The following IQCH variants were observed in gnomAD, a reference collection of about 807,000 sequenced individuals.
The protein encoded by IQCH is IQ motif containing H, also known as IQ domain-containing protein H.
A neutral mutation model predicts 117.0 loss-of-function variants in IQCH; 98 were observed. That is an observed-to-expected ratio of 0.84 (90% CI 0.71 to 0.99). The LOEUF is 0.99. IQCH is among the 50% of genes least tolerant of loss of function. The probability of loss-of-function intolerance (pLI) is 0.00; values close to 1 mark genes in which losing one functional copy is unlikely to be tolerated. For synonymous variants in IQCH, 412 were observed against 448.2 expected (o/e 0.92, Z 1.02); for missense variants, 1,102 against 1,243.8 (o/e 0.89, Z 1.72).
At chr15:67,299,649 A>T (rs928562890) in intron 4 of IQCH, among the ~76,000 whole-genome samples, 1 of 152,164 alleles carries the variant, frequency 6.6e-6, no homozygotes, top group Non-Finnish European at 1.5e-5. Context: ...CATTTGTCAT[A>T]TAGGTTCTTC....
chr15:67,287,920 A>G (rs1966622996), intron 4 of IQCH, among the ~76,000 whole-genome samples: 1 of 151,988 alleles, frequency 6.6e-6, no homozygotes, highest in African/African-American at 2.4e-5. Context: ...ACTATATCCC[A>G]CAGGTTTTGG....
At chr15:67,344,006 C>T (rs1486682913) in intron 5 of IQCH, 57 bp from the exon 6 acceptor site, 6 of 1,508,526 alleles carry the variant, frequency 4.0e-6, no homozygotes, top group South Asian at 1.2e-5. Context: ...TTATAGAGCT[C>T]AGACTTTGTG....
rs966501159 is a variant in IQCH, at chr15:67,436,292, A to G, written c.2505+14715A>G. Reference sequence around the variant, plus strand: ...GGAGACCCTCCTCTCTCAAACACACACCCCCGCACTGGAGAAGCTGAAGGT... The same window carrying G: ...GGAGACCCTCCTCTCTCAAACACACGCCCCCGCACTGGAGAAGCTGAAGGT... On this transcript the variant is annotated intron_variant, in intron 16 of 20. Transcript: ENST00000335894. This position sits in a 1 kb window ranked among gnomAD's most constrained non-coding sequence, Gnocchi z 5.1. Among the ~76,000 whole-genome samples the G allele has an allele frequency of 2.7e-4, 41 of 151,724 alleles. No individual in the cohort carries two copies. Among genetic ancestry groups the G allele is most frequent in the African/African-American group, 9.5e-4 (39 of 41,256 alleles).
At chr15:67,302,312 T>A (rs1381560930) in intron 4 of IQCH, among the ~76,000 whole-genome samples, 1 of 152,098 alleles carries the variant, frequency 6.6e-6, no homozygotes, top group Non-Finnish European at 1.5e-5. Flanking sequence ...TTCTGAAAGT[T>A]TAAGAAGGAA....
chr15:67,336,746 G>A (rs895627920), intron 4 of IQCH, among the ~76,000 whole-genome samples: 10 of 152,014 alleles, frequency 6.6e-5, no homozygotes, highest in African/African-American at 2.2e-4. Context: ...TTTATATAGT[G>A]GAAATCACAA....
intron 3 of IQCH, among the ~76,000 whole-genome samples, chr15:67,267,225 T>G (rs1965713666): frequency 6.6e-6 from 1 of 152,224 alleles, no homozygotes; most frequent in African/African-American, 2.4e-5. Context: ...TATACTTTCC[T>G]CACATGACCA....
At chr15:67,295,936 T>C (rs896379579) in intron 4 of IQCH, among the ~76,000 whole-genome samples, 1 of 152,184 alleles carries the variant, frequency 6.6e-6, no homozygotes, top group Non-Finnish European at 1.5e-5. Flanking sequence ...TTAGTCTAAT[T>C]GTTGTCTCCT....
At chr15:67,361,112 AG>A (rs1181317386) in intron 8 of IQCH, among the ~76,000 whole-genome samples, 3 of 152,218 alleles carry the variant, frequency 2.0e-5, no homozygotes, top group Non-Finnish European at 4.4e-5. Context: ...AGGCCCACTC[AG>A]TTGGTAAAAG....
chr15:67,274,805 G>T (rs1966053444), intron 3 of IQCH, among the ~76,000 whole-genome samples: 1 of 152,024 alleles, frequency 6.6e-6, no homozygotes, highest in Admixed American at 6.6e-5. Flanking sequence ...GGATATGCTT[G>T]CTTTTTTCTT....
At chr15:67,362,763 A>G (rs1567128090) in intron 8 of IQCH, among the ~76,000 whole-genome samples, 2 of 152,228 alleles carry the variant, frequency 1.3e-5, no homozygotes, top group South Asian at 2.1e-4. Context: ...CCCTATATCC[A>G]CAACACTTGG....
chr15:67,421,615 G>A (rs370781650), intron 16 of IQCH, 38 bp downstream of exon 16: 1 of 1,605,822 alleles, frequency 6.2e-7, no homozygotes, highest in Non-Finnish European at 8.5e-7. Flanking sequence ...GCTAAAATAT[G>A]TAATGACTCC....
intron 16 of IQCH, among the ~76,000 whole-genome samples, chr15:67,464,874 G>A (rs1216718045): frequency 1.3e-5 from 2 of 152,158 alleles, no homozygotes; most frequent in Admixed American, 6.5e-5. Flanking sequence ...TGCAAGACTC[G>A]GCATCTCTGT....
intron 3 of IQCH, among the ~76,000 whole-genome samples, chr15:67,274,675 C>T (rs552868251): frequency 3.0e-4 from 46 of 152,032 alleles, no homozygotes; most frequent in Non-Finnish European, 5.3e-4. Context: ...TTGCTTTGTT[C>T]ATTTTGGGGA....
rs568014265 is a variant in IQCH at position 67,473,848 on chromosome 15, G to T, written c.2677-1848G>T. On this transcript the variant is annotated intron_variant, in intron 17 of 20. Coordinates refer to ENST00000335894, the MANE Select transcript of IQCH (RefSeq NM_001031715.3). The surrounding 1 kb of genome is among the most constrained non-coding windows in gnomAD (Gnocchi z 4.9). ...GAAAAATCCCAATGGCTACAAATGGGACGCTACAAGTGGGGTAAACAACTC... is the reference window on the plus strand; with the variant it reads ...GAAAAATCCCAATGGCTACAAATGGTACGCTACAAGTGGGGTAAACAACTC... Among the ~76,000 whole-genome samples, 1 of 152,072 alleles carries T rather than the reference G, an allele frequency of 6.6e-6. No homozygotes were observed. Among genetic ancestry groups the T allele is most frequent in the South Asian group, 2.1e-4 (1 of 4,812 alleles).
Position 67,384,889 on chromosome 15 carries a change from A to G in IQCH, c.1373-47A>G, listed in dbSNP as rs539754341. The G allele has an allele frequency of 6.7e-5, 80 of 1,189,048 alleles. No individual in the cohort carries two copies. Among genetic ancestry groups the G allele is most frequent in the South Asian group, 5.8e-4 (47 of 81,650 alleles). 73.7% of individuals were successfully genotyped at this position (1,189,048 alleles called of 1,614,324 possible). ...TGAAATTCTCTTGTGCCATTTTGCT[A>G]TATCGACTTGCTCTTTCTGTGTTTT... is the stretch of plus-strand genomic sequence containing the variant. On this transcript the variant is annotated intron_variant, in intron 10 of 20. Coordinates refer to ENST00000335894, the MANE Select transcript of IQCH (RefSeq NM_001031715.3). The surrounding 1 kb of genome is among the most constrained non-coding windows in gnomAD (Gnocchi z 4.3).
intron 4 of IQCH, among the ~76,000 whole-genome samples, chr15:67,309,083 C>T (rs1967456850): frequency 6.6e-6 from 1 of 152,080 alleles, no homozygotes; most frequent in South Asian, 2.1e-4. Flanking sequence ...CTCCCAGAAA[C>T]AGTCTCCCTT....
chr15:67,430,193 T>G lies in IQCH; in HGVS notation c.2505+8616T>G, dbSNP rs1401513682. On this transcript the variant is annotated intron_variant, in intron 16 of 20. Coordinates refer to ENST00000335894, the MANE Select transcript of IQCH (RefSeq NM_001031715.3). This position sits in a 1 kb window ranked among gnomAD's most constrained non-coding sequence, Gnocchi z 5.1. ...CTGGCCTTCCCACATAAGGATAATA[T>G]TATGTAAGGGGATCCAAGCAGTAAA... The G allele has an allele frequency of 6.6e-6, 1 of 151,948 alleles. No homozygotes were observed. Among genetic ancestry groups the G allele is most frequent in the African/African-American group, 2.4e-5 (1 of 41,358 alleles). The allele number at this position is 151,948 out of a possible 1,614,324, so 9.4% of individuals were successfully genotyped here.
At chr15:67,329,354 T>C (rs1286660118) in intron 4 of IQCH, among the ~76,000 whole-genome samples, 1 of 151,962 alleles carries the variant, frequency 6.6e-6, no homozygotes, top group Non-Finnish European at 1.5e-5. Flanking sequence ...AAAAAACCCA[T>C]TCCTGGTGTG....
Position 67,357,853 on chromosome 15 carries a change from CATT to C in IQCH, c.714+448_714+450del, listed in dbSNP as rs747814689. 2.2e-3 allele frequency among the ~76,000 whole-genome samples: 332 copies of C among 151,684 alleles called. 1 individual carries two copies. The highest frequency in any genetic ancestry group is 7.4e-3 in the Admixed American group (112 of 15,236). On this transcript the variant is annotated intron_variant, in intron 7 of 20. Transcript: ENST00000335894. ...AGCAGGGGAAAGAATTCTGTATTAT[CATT>C]ATTATTATTATTATTTCAAGACAGA...
Sources: allele counts gnomAD v4.1 joint callset (sites outside exome capture counted in the v4.1 genomes callset), GRCh38; gene constraint gnomAD v4.1.1; non-coding constraint Gnocchi (gnomAD v3.1); transcripts MANE v1.5; gene names NCBI Gene and HGNC (gene_info 2026-07-23, HGNC 2026-07-21).